Variants in PIP5K1B observed in about 807,000 individuals in gnomAD.
The protein encoded by PIP5K1B is phosphatidylinositol 4-phosphate 5-kinase type-1 beta.
A neutral mutation model predicts 67.0 loss-of-function variants in PIP5K1B; 42 were observed. That is an observed-to-expected ratio of 0.63 (90% CI 0.49 to 0.81). The LOEUF (loss-of-function observed/expected upper bound fraction) is 0.81. PIP5K1B is among the 30% of genes least tolerant of loss of function. The probability of loss-of-function intolerance (pLI) is 0.00; values close to 1 mark genes in which losing one functional copy is unlikely to be tolerated. For synonymous variants in PIP5K1B, 214 were observed against 231.4 expected (o/e 0.92, Z 0.68); for missense variants, 459 against 646.3 (o/e 0.71, Z 3.14).
At chr9:68,886,260 A>G (rs1228683931) in intron 6 of PIP5K1B, among the ~76,000 whole-genome samples, 1 of 152,146 alleles carries the variant, frequency 6.6e-6, no homozygotes. Context: ...TCACACCTGC[A>G]TGGCCTCCTT....
chr9:68,965,779 A>G (rs942397947), intron 14 of PIP5K1B: 12 of 152,188 alleles, frequency 7.9e-5, no homozygotes, highest in Admixed American at 2.6e-4. Context: ...CAGCCTGGCC[A>G]ACATGATGAA....
chr9:68,809,685 G>A (rs1180473525), intron 2 of PIP5K1B, among the ~76,000 whole-genome samples: 5 of 152,060 alleles, frequency 3.3e-5, no homozygotes, highest in Admixed American at 2.0e-4. Flanking sequence ...AAGCCAACAC[G>A]GTGCCCAGAC....
At chr9:68,776,893 C>T (rs1046884346) in intron 2 of PIP5K1B, among the ~76,000 whole-genome samples, 1 of 152,130 alleles carries the variant, frequency 6.6e-6, no homozygotes, top group Admixed American at 6.5e-5. Flanking sequence ...CTCATTTGTC[C>T]TTGATTCCTT....
chr9:68,978,123 C>T (rs1175372770), intron 14 of PIP5K1B, among the ~76,000 whole-genome samples: 1 of 152,142 alleles, frequency 6.6e-6, no homozygotes, highest in Admixed American at 6.5e-5. Context: ...TATCACCTCA[C>T]GTGGTTATAT....
chr9:68,814,253 G>A (rs572691899), intron 2 of PIP5K1B, among the ~76,000 whole-genome samples: 1 of 152,318 alleles, frequency 6.6e-6, no homozygotes, highest in East Asian at 1.9e-4. Flanking sequence ...AGCGAAAATA[G>A]TGTATAGTCA....
In PIP5K1B at chr9:68,863,968, G is replaced by A. The variant is rs781405402; in HGVS notation, c.200+1G>A. ...TGGTGGAAAGTGTGTTCCTACCCAG[G>A]TAAGAACATTTTTATTTGTGATGAT... is the stretch of plus-strand genomic sequence containing the variant. On this transcript the variant is annotated splice_donor_variant, in intron 5 of 15. Coordinates refer to ENST00000265382, the MANE Select transcript of PIP5K1B (RefSeq NM_003558.4). LOFTEE classifies it high-confidence loss of function. 7 of 1,613,104 alleles carry A rather than the reference G, an allele frequency of 4.3e-6. No homozygotes were observed.
chr9:68,787,661 CT>C (rs1241477779), intron 2 of PIP5K1B, among the ~76,000 whole-genome samples: 3 of 151,914 alleles, frequency 2.0e-5, no homozygotes, highest in African/African-American at 7.3e-5. Flanking sequence ...GAGACAGAGT[CT>C]CGCTCTGTCA....
chr9:68,747,705 T>G (rs1442243101), intron 2 of PIP5K1B, among the ~76,000 whole-genome samples: 5 of 151,962 alleles, frequency 3.3e-5, no homozygotes, highest in Admixed American at 1.3e-4. Flanking sequence ...AGATTTGCTG[T>G]TTTTTTTACA....
chr9:68,935,640 G>A (rs1827224560), intron 13 of PIP5K1B, among the ~76,000 whole-genome samples: 1 of 152,122 alleles, frequency 6.6e-6, no homozygotes, highest in Non-Finnish European at 1.5e-5. Context: ...ACATTTTGTT[G>A]CTTTTACTTC....
chr9:68,775,744 C>T (rs979206748), intron 2 of PIP5K1B, among the ~76,000 whole-genome samples: 1 of 152,166 alleles, frequency 6.6e-6, no homozygotes, highest in African/African-American at 2.4e-5. Flanking sequence ...ATTTTGACTT[C>T]TAAGTTGGTT....
intron 3 of PIP5K1B, among the ~76,000 whole-genome samples, chr9:68,821,181 G>C (rs763063975): frequency 1.2e-4 from 19 of 152,262 alleles, no homozygotes; most frequent in Non-Finnish European, 2.5e-4. Flanking sequence ...GTCTGAGCCT[G>C]GGAGGTCGAG....
intron 2 of PIP5K1B, among the ~76,000 whole-genome samples, chr9:68,778,788 C>G (rs1014985248): frequency 6.6e-6 from 1 of 152,226 alleles, no homozygotes; most frequent in Non-Finnish European, 1.5e-5. Context: ...TTACCCTCTC[C>G]TAACACTCCC....
intron 4 of PIP5K1B, among the ~76,000 whole-genome samples, chr9:68,829,189 C>T (rs760700846): frequency 4.6e-5 from 7 of 152,176 alleles, no homozygotes; most frequent in Non-Finnish European, 8.8e-5. Flanking sequence ...GAACAAATAA[C>T]GTTTCAGGAT....
At chr9:68,924,129 AG>A in intron 12 of PIP5K1B, among the ~76,000 whole-genome samples, 1 of 149,622 alleles carries the variant, frequency 6.7e-6, no homozygotes, top group South Asian at 2.1e-4. Context: ...AAAAAAAAAA[AG>A]GAGGCCGGGC....
intron 2 of PIP5K1B, among the ~76,000 whole-genome samples, chr9:68,804,873 TGTA>T (rs1832785981): frequency 6.6e-6 from 1 of 152,242 alleles, no homozygotes; most frequent in African/African-American, 2.4e-5. Flanking sequence ...AGTTAATTCA[TGTA>T]GTACTTGTCT....
intron 14 of PIP5K1B, among the ~76,000 whole-genome samples, chr9:68,985,254 C>CTTT (rs749017407): frequency 7.1e-6 from 1 of 140,306 alleles, no homozygotes. Flanking sequence ...ATCTCTTCTT[C>CTTT]TTTTTTTTTT....
At chr9:68,825,427 A>G (rs568167158) in intron 4 of PIP5K1B, among the ~76,000 whole-genome samples, 1 of 152,352 alleles carries the variant, frequency 6.6e-6, no homozygotes, top group East Asian at 1.9e-4. Context: ...CCATGACCTT[A>G]ATGAAAGCAT....
intron 14 of PIP5K1B, among the ~76,000 whole-genome samples, chr9:68,944,749 CAG>C (rs1458947507): frequency 1.3e-5 from 2 of 152,122 alleles, no homozygotes; most frequent in Non-Finnish European, 2.9e-5. Context: ...AAACCTAGAA[CAG>C]GGGTGGAAAC....
chr9:68,955,223 T>C (rs1828323531), intron 14 of PIP5K1B, among the ~76,000 whole-genome samples: 1 of 152,240 alleles, frequency 6.6e-6, no homozygotes, highest in African/African-American at 2.4e-5. Flanking sequence ...CATGCAACAT[T>C]TGAGATGCCC....
Sources: gnomAD v4.1 joint callset for allele counts (sites outside exome capture counted in the v4.1 genomes callset) on GRCh38, gnomAD v4.1.1 for gene constraint, MANE v1.5 for transcripts, NCBI Gene and HGNC (gene_info 2026-07-23, HGNC 2026-07-21) for gene names.